FAT2: variants seen among roughly 807,000 people sequenced by gnomAD.
FAT2 encodes the protein protocadherin Fat 2.
A neutral mutation model predicts 295.3 loss-of-function variants in FAT2; 150 were observed. The observed-to-expected ratio is 0.51, with a 90% CI of 0.44 to 0.58. FAT2 has a LOEUF of 0.58. Ranked by LOEUF, FAT2 falls within the 20% of genes least tolerant of loss-of-function variation. The pLI, the probability that FAT2 is intolerant of heterozygous loss-of-function variation, is 0.00. For synonymous variants in FAT2, 2,026 were observed against 2,150.3 expected (o/e 0.94, Z 1.60); for missense variants, 4,868 against 5,442.7 (o/e 0.89, Z 3.32).
rs1028793831 is a variant in FAT2, at chr5:151,531,360, T to A, written c.9811+227A>T. Among the ~76,000 whole-genome samples the A allele has an allele frequency of 6.6e-6, 1 of 152,132 alleles. No homozygotes were observed. Among genetic ancestry groups the A allele is most frequent in the Non-Finnish European group, 1.5e-5 (1 of 68,002 alleles). The stretch of plus-strand genomic sequence containing the variant: ...AGGGTCCTGGACACAGAGACCTGGC[T>A]GCGGACGTGGGAGGGTCCCGTTTAA... On this transcript the variant is annotated intron_variant, in intron 14 of 23. Transcript: ENST00000261800. The surrounding 1 kb of genome is among the most constrained non-coding windows in gnomAD (Gnocchi z 5.7).
rs568645498 is a variant in FAT2, at chr5:151,561,862, C to G, written c.3574+1463G>C. On this transcript the variant is annotated intron_variant, in intron 3 of 23. Coordinates refer to ENST00000261800, the MANE Select transcript of FAT2 (RefSeq NM_001447.3). ...TTTCTTCCTTTCAACTGCAGGAAGG[C>G]TAAGAACATCTCTGCCCTCTAGGGC... 1.1e-4 allele frequency among the ~76,000 whole-genome samples: 17 copies of G among 152,364 alleles called. No individual in the cohort carries two copies. The South Asian group carries it at 3.5e-3, about 32-fold the overall frequency.
rs1758322081 is a variant in FAT2 at position 151,567,336 on chromosome 5, C to A, written c.1596G>T (p.Arg532=). Reference sequence around the variant, plus strand: ...GGGATCCCCAGTCTGATGCTCTTACCCGGAAGGTATAAATTCTTTTCATGA... The same window carrying A: ...GGGATCCCCAGTCTGATGCTCTTACACGGAAGGTATAAATTCTTTTCATGA... ...YELMKRIYTF[R]VRASDWGSPF... Residue 532 remains arginine (R), a synonymous_variant, in exon 2 of 24, where the codon CGG becomes CGT. Coordinates refer to ENST00000261800, the MANE Select transcript of FAT2 (RefSeq NM_001447.3). The A allele has an allele frequency of 4.3e-6, 7 of 1,614,176 alleles. No individual in the cohort carries two copies. Among genetic ancestry groups the A allele is most frequent in the Non-Finnish European group, 5.9e-6 (7 of 1,180,028 alleles).
chr5:151,544,790 A>G lies in FAT2; in HGVS notation c.6337T>C (p.Tyr2113His), dbSNP rs780149773. Residue 2113 changes from tyrosine (Y) to histidine (H), a missense_variant, in exon 10 of 24, where the codon TAC becomes CAC. Tyr to His is a moderately conservative substitution (Grantham distance 83). This residue lies in a region of FAT2 where 3,297 missense variants were observed against 3,669.4 expected (regional missense o/e 0.90). Coordinates refer to ENST00000261800, the MANE Select transcript of FAT2 (RefSeq NM_001447.3). The part of the protein sequence containing the change: ...GAVTYEFAED[Y>H]TYFRIDPYLG... ...TAGGGGTCAATTCGGAAATATGTGTAATCTTCTGCAAATTCATATGTAACA... is the reference window on the plus strand; with the variant it reads ...TAGGGGTCAATTCGGAAATATGTGTGATCTTCTGCAAATTCATATGTAACA... 3 of 1,614,132 alleles carry G rather than the reference A, an allele frequency of 1.9e-6. 1 individual carries two copies. In the Admixed American group the frequency reaches 5.0e-5, roughly 27 times the overall value.
chr5:151,559,677 C>T (rs1757939472), intron 3 of FAT2, among the ~76,000 whole-genome samples: 7 of 152,004 alleles, frequency 4.6e-5, no homozygotes, highest in Admixed American at 4.6e-4. Flanking sequence ...CTCTCTCCCT[C>T]TCTCCCCCAA....
Position 151,572,652 on chromosome 5 carries a change from T to C in FAT2, c.-20-3701A>G, listed in dbSNP as rs537512394. Among the ~76,000 whole-genome samples, 60 of 152,364 alleles carry C rather than the reference T, an allele frequency of 3.9e-4. No individual in the cohort carries two copies. The South Asian group carries it at 6.4e-3, about 16-fold the overall frequency. On this transcript the variant is annotated intron_variant, in intron 1 of 23. Transcript: ENST00000261800. ...GTTTTATGGAGACTACATAAGATCG[T>C]GCACGTTAATGTACTCAGCACAGTG... is the stretch of plus-strand genomic sequence containing the variant.
chr5:151,579,507 G>A (rs910572013), intron 1 of FAT2, among the ~76,000 whole-genome samples: 2 of 152,126 alleles, frequency 1.3e-5, no homozygotes, highest in Non-Finnish European at 2.9e-5. Flanking sequence ...AGGAGTTTGA[G>A]GCTGCAGTGA....
At chr5:151,553,916 CTG>C (rs1757455863) in intron 5 of FAT2, among the ~76,000 whole-genome samples, 1 of 152,204 alleles carries the variant, frequency 6.6e-6, no homozygotes, top group African/African-American at 2.4e-5. Flanking sequence ...AGCAATGAGA[CTG>C]GGGTTGAATT....
chr5:151,514,703 C>T (rs1752667157), intron 20 of FAT2, among the ~76,000 whole-genome samples: 1 of 152,158 alleles, frequency 6.6e-6, no homozygotes, highest in Non-Finnish European at 1.5e-5. Context: ...CTCCTCATTC[C>T]CACTCTCAGC....
chr5:151,551,695 A>G (rs1478738460), intron 6 of FAT2, 89 bp from the exon 7 acceptor site: 1 of 1,408,372 alleles, frequency 7.1e-7, no homozygotes, highest in Non-Finnish European at 9.8e-7. Context: ...GGCTCAGAGG[A>G]CACGGTGGTA....
At chr5:151,558,912 C>T (rs1198721198) in intron 3 of FAT2, among the ~76,000 whole-genome samples, 4 of 152,176 alleles carry the variant, frequency 2.6e-5, no homozygotes, top group Admixed American at 6.5e-5. Context: ...AAAGCCATGG[C>T]CTAAGAGGCC....
intron 7 of FAT2, 133 bp from the exon 8 acceptor site, chr5:151,551,004 T>C (rs1167751146): frequency 1.3e-5 from 10 of 780,570 alleles, no homozygotes; most frequent in Non-Finnish European, 2.1e-5. Flanking sequence ...TAAATATTTG[T>C]TGAATGAATG....
chr5:151,589,737 A>G (rs1759324188), intron 1 of FAT2, among the ~76,000 whole-genome samples: 1 of 150,920 alleles, frequency 6.6e-6, no homozygotes, highest in Non-Finnish European at 1.5e-5. Context: ...CTCTACAAAA[A>G]AACATTTTTT....
rs201515288 is a variant in FAT2 at position 151,566,599 on chromosome 5, A to G, written c.2333T>C (p.Leu778Ser). The G allele has an allele frequency of 2.0e-5, 33 of 1,614,184 alleles. No individual in the cohort carries two copies. In the East Asian group the frequency reaches 7.1e-4, roughly 35 times the overall value. Residue 778 changes from leucine (L) to serine (S), a missense_variant, in exon 2 of 24, where the codon TTG (leucine) becomes TCG (serine). Coordinates refer to ENST00000261800, the MANE Select transcript of FAT2 (RefSeq NM_001447.3). ...GTAGAAATTGGTGGCTTCATAGTCC[A>G]AGGGAGCAGCTACAGTGAGCAGCCC... The part of the protein sequence containing the change: ...ETGLLTVAAP[L>S]DYEATNFYIL...
At chr5:151,534,344 C>G (rs1754998065) in intron 13 of FAT2, 65 bp downstream of exon 13, 1 of 1,357,984 alleles carries the variant, frequency 7.4e-7, no homozygotes, top group Non-Finnish European at 1.0e-6. Context: ...ACAAAGGGGA[C>G]CAAACCCTTG....
At chr5:151,583,849 T>A (rs532758303) in intron 1 of FAT2, among the ~76,000 whole-genome samples, 2 of 151,586 alleles carry the variant, frequency 1.3e-5, no homozygotes, top group East Asian at 3.9e-4. Context: ...AATAAAAAAA[T>A]TAGCTGGGTG....
rs374620930 is a variant in FAT2 at position 151,567,622 on chromosome 5, G to A, written c.1310C>T (p.Pro437Leu). 122 of 1,613,988 alleles carry A rather than the reference G, an allele frequency of 7.6e-5. 1 individual carries two copies. The Middle Eastern group carries it at 9.9e-4, about 13-fold the overall frequency. ...GACCACCACGGTGGAGGCCTGGCCC[G>A]GTGAGGTTCTGATGTGTAGCTGATA... ...AHYQLHIRTS[P>L]GQASTVVVID... Residue 437 changes from proline to leucine, a missense_variant, in exon 2 of 24, where the codon CCG becomes CTG. Pro to Leu is a moderately conservative substitution (Grantham distance 98). Around this residue, in one of 5 missense-constraint regions of FAT2, gnomAD observed 3,297 missense variants for 3,669.4 expected, o/e 0.90. Coordinates refer to ENST00000261800, the MANE Select transcript of FAT2 (RefSeq NM_001447.3).
chr5:151,527,473 G>A (rs1754140118), intron 16 of FAT2, 96 bp from the exon 17 acceptor site: 1 of 1,301,426 alleles, frequency 7.7e-7, no homozygotes. Context: ...AAAATAAGAA[G>A]GAGACACTTT....
chr5:151,549,407 A>G lies in FAT2; in HGVS notation c.4677T>C (p.His1559=), dbSNP rs1312374435. The part of the protein sequence containing the change: ...NLHPPRFTQL[H]YEASVPDTIA... Reference sequence around the variant, plus strand: ...TGGTGTCAGGAACACTTGCCTCATAATGGAGCTGAGTGAAGCGGGGTGGGT... The same window carrying G: ...TGGTGTCAGGAACACTTGCCTCATAGTGGAGCTGAGTGAAGCGGGGTGGGT... Residue 1559 remains histidine, a synonymous_variant, in exon 9 of 24, where the codon CAT becomes CAC. Coordinates refer to ENST00000261800, the MANE Select transcript of FAT2 (RefSeq NM_001447.3). 2 of 1,614,014 alleles carry G rather than the reference A, an allele frequency of 1.2e-6. No homozygotes were observed. The highest frequency in any genetic ancestry group is 1.7e-6 in the Non-Finnish European group (2 of 1,180,026).
chr5:151,520,793 C>A (rs992407277), intron 19 of FAT2, among the ~76,000 whole-genome samples: 1 of 152,190 alleles, frequency 6.6e-6, no homozygotes, highest in Non-Finnish European at 1.5e-5. Context: ...GAGCTTATAA[C>A]CACCAGACTA....
Sources: allele counts gnomAD v4.1 joint callset (sites outside exome capture counted in the v4.1 genomes callset), GRCh38; gene constraint gnomAD v4.1.1; regional missense constraint gnomAD v4.1.1; non-coding constraint Gnocchi (gnomAD v3.1); transcripts MANE v1.5; gene names NCBI Gene and HGNC (gene_info 2026-07-23, HGNC 2026-07-21).